The following MGA variants were observed in gnomAD, a reference collection of about 807,000 sequenced individuals.
The protein encoded by MGA is MAX dimerization protein MGA.
MGA carries 40 observed loss-of-function variants against 261.1 expected under a neutral mutation model. The observed-to-expected ratio is 0.15, with a 90% CI of 0.12 to 0.20. MGA has a LOEUF of 0.20. Among genes scored for constraint, MGA ranks in the 10% least tolerant of loss-of-function variants. The pLI, the probability that MGA is intolerant of heterozygous loss-of-function variation, is 1.00. For synonymous variants in MGA, 1,302 were observed against 1,290.6 expected, an observed-to-expected ratio of 1.01 and a Z score of -0.19; for missense variants, 3,397 against 3,630.5, an observed-to-expected ratio of 0.94 and a Z score of 1.65.
At chr15:41,651,705 C>CT (rs367632948) in intron 1 of MGA, among the ~76,000 whole-genome samples, 2 of 50,662 alleles carry the variant, frequency 3.9e-5, no homozygotes, top group Admixed American at 2.0e-4. Flanking sequence ...ACCCCTTCCC[C>CT]TCTCTTACCC....
chr15:41,750,229 T>C lies in MGA; in HGVS notation c.6622T>C (p.Cys2208Arg). 6.2e-7 allele frequency: 1 copy of C among 1,613,866 alleles called. No homozygotes were observed. Among genetic ancestry groups the C allele is most frequent in the South Asian group, 1.1e-5 (1 of 91,082 alleles). Residue 2208 changes from cysteine to arginine, a missense_variant, in exon 17 of 24, where the codon TGT becomes CGT. Physicochemically the swap from Cys to Arg is radical, Grantham distance 180 (BLOSUM62 -3). Around this residue, in one of 9 missense-constraint regions of MGA, gnomAD observed 1,410 missense variants for 1,386.4 expected, o/e 1.02. Transcript: ENST00000219905. Reference sequence around the variant, plus strand: ...GCAGTTAATTAAAGAAACAAAGACATGTCAGGAAAATTCAGATGTGTTTCA... The same window carrying C: ...GCAGTTAATTAAAGAAACAAAGACACGTCAGGAAAATTCAGATGTGTTTCA...
chr15:41,676,336 C>T (rs889697449), intron 2 of MGA, among the ~76,000 whole-genome samples: 1 of 152,210 alleles, frequency 6.6e-6, no homozygotes, highest in Non-Finnish European at 1.5e-5. Flanking sequence ...GCACCCGCCA[C>T]CAAACCTGGC....
intron 12 of MGA, 66 bp from the exon 13 acceptor site, chr15:41,736,115 A>C (rs906776859): frequency 7.6e-6 from 10 of 1,316,292 alleles, no homozygotes; most frequent in Non-Finnish European, 1.0e-5. Context: ...TCAGAGTTTC[A>C]TACAAAATGC....
chr15:41,657,295 C>T (rs1360327986), upstream of MGA, among the ~76,000 whole-genome samples: 1 of 149,264 alleles, frequency 6.7e-6, no homozygotes, highest in Non-Finnish European at 1.5e-5. Flanking sequence ...TCTCTTTTTA[C>T]CCTCTGCCTA....
chr15:41,650,043 T>C (rs1345491621), intron 1 of MGA, among the ~76,000 whole-genome samples: 1 of 152,242 alleles, frequency 6.6e-6, no homozygotes, highest in African/African-American at 2.4e-5. Flanking sequence ...AGAATTATTC[T>C]ATGATCCCTC....
At position 41,696,466 on chromosome 15, in the gene MGA, C is replaced by A. The variant is rs573295673; in HGVS notation, c.1456C>A (p.Leu486Ile). 1 of 1,614,002 alleles carries A rather than the reference C, an allele frequency of 6.2e-7. No homozygotes were observed. Among genetic ancestry groups the A allele is most frequent in the East Asian group, 2.2e-5 (1 of 44,888 alleles). ...CAGAAGCACAGTTAAGATTTCTGAA[C>A]TCCCCGATAACATGCTTTCCACATC... The change falls in exon 3 of 24, where the codon CTC becomes ATC. Residue 486 changes from leucine (L) to isoleucine (I), a missense_variant. This residue lies in a region of MGA where 563 missense variants were observed against 563.6 expected (regional missense o/e 1.00). Coordinates refer to ENST00000219905, the MANE Select transcript of MGA (RefSeq NM_001164273.2).
intron 9 of MGA, chr15:41,718,668 G>T: frequency 3.7e-6 from 1 of 270,072 alleles, no homozygotes; most frequent in Non-Finnish European, 7.1e-6. Context: ...TTTCTGGTGT[G>T]TTCAAGCTCC....
chr15:41,699,872 C>T (rs2059743899), intron 5 of MGA, among the ~76,000 whole-genome samples: 1 of 151,916 alleles, frequency 6.6e-6, no homozygotes, highest in East Asian at 1.9e-4. Context: ...TGGCTGCAAA[C>T]ATCTATTTTA....
rs1053558722 is a variant in MGA, at chr15:41,689,567, T to C, written c.1065-6508T>C. Among the ~76,000 whole-genome samples the C allele has an allele frequency of 3.3e-4, 49 of 147,346 alleles. 1 individual carries two copies. Among genetic ancestry groups the C allele is most frequent in the Admixed American group, 6.0e-4 (9 of 15,066 alleles). The stretch of plus-strand genomic sequence containing the variant: ...TTTTGGTTCATTTTCTTTTTCTTTT[T>C]TTTTTTTCTTTTTTTTGAGATAGAG... On this transcript the variant is annotated intron_variant, in intron 2 of 23. Coordinates refer to ENST00000219905, the MANE Select transcript of MGA (RefSeq NM_001164273.2).
intron 8 of MGA, among the ~76,000 whole-genome samples, chr15:41,712,101 CTTAT>C (rs1253009766): frequency 1.3e-5 from 2 of 151,986 alleles, no homozygotes; most frequent in Non-Finnish European, 1.5e-5. Flanking sequence ...TAATTTTTCA[CTTAT>C]TTATTTTTAT....
At chr15:41,634,574 T>C (rs2056660532) in intron 1 of MGA, among the ~76,000 whole-genome samples, 1 of 152,234 alleles carries the variant, frequency 6.6e-6, no homozygotes, top group South Asian at 2.1e-4. Context: ...TCATGTTGTT[T>C]CCTCAGGAGA....
intron 2 of MGA, among the ~76,000 whole-genome samples, chr15:41,672,763 A>G (rs2058132047): frequency 6.6e-6 from 1 of 152,226 alleles, no homozygotes; most frequent in South Asian, 2.1e-4. Flanking sequence ...GACAGAGACC[A>G]TAGATGCTTG....
chr15:41,754,641 G>A lies in MGA; in HGVS notation c.7139+74G>A. 3 of 1,427,376 alleles carry A rather than the reference G, an allele frequency of 2.1e-6. No homozygotes were observed. In the South Asian group the frequency reaches 4.7e-5, roughly 22 times the overall value. The allele number at this position is 1,427,376 out of a possible 1,614,324, so 88.4% of individuals were successfully genotyped here. On this transcript the variant is annotated intron_variant, in intron 18 of 23. Transcript: ENST00000219905. Reference sequence around the variant, plus strand: ...GAAACAAAATGAGATGTTCTGTTCAGGAGCTCTGGGTAACTCATCTGGTTC... The same window carrying A: ...GAAACAAAATGAGATGTTCTGTTCAAGAGCTCTGGGTAACTCATCTGGTTC...
chr15:41,676,908 A>G (rs1359026766), intron 2 of MGA, among the ~76,000 whole-genome samples: 1 of 152,270 alleles, frequency 6.6e-6, no homozygotes, highest in Non-Finnish European at 1.5e-5. Flanking sequence ...ACTGCATAAC[A>G]TCTACCTGGT....
Position 41,711,347 on chromosome 15 carries a change from C to A in MGA, c.3082C>A (p.Gln1028Lys). 1 of 1,588,970 alleles carries A rather than the reference C, an allele frequency of 6.3e-7. No homozygotes were observed. The highest frequency in any genetic ancestry group is 8.6e-7 in the Non-Finnish European group (1 of 1,168,376). Residue 1028 changes from glutamine to lysine, a missense_variant and splice_region_variant, in exon 8 of 24, where the codon CAA becomes AAA. Physicochemically the swap from Gln to Lys is moderately conservative, Grantham distance 53. Transcript: ENST00000219905. ...ATCCTTAACAACTCTACTTACAGCT[C>A]AAGTAAGTAGCTGCTGTTTTCTGGA...
intron 17 of MGA, among the ~76,000 whole-genome samples, chr15:41,754,199 G>T (rs1275700746): frequency 6.6e-6 from 1 of 152,190 alleles, no homozygotes; most frequent in Non-Finnish European, 1.5e-5. Context: ...GATTATAGGT[G>T]TGAGCCACCA....
At chr15:41,690,246 C>T (rs796353409) in intron 2 of MGA, among the ~76,000 whole-genome samples, 6 of 152,310 alleles carry the variant, frequency 3.9e-5, no homozygotes, top group African/African-American at 1.4e-4. Flanking sequence ...TTTTAAGGTT[C>T]ATCCATGTGT....
rs756676774 is a variant in MGA at position 41,749,631 on chromosome 15, A to G, written c.6024A>G (p.Ile2008Met). 13 of 1,613,860 alleles carry G rather than the reference A, an allele frequency of 8.1e-6. No homozygotes were observed. In the East Asian group the frequency reaches 2.7e-4, roughly 33 times the overall value. ...CTGTAGACCCTGAGGCTAATGTAAT[A>G]AAACAAAACTCAGGAGCTGCTACCT... Residue 2008 changes from isoleucine to methionine, a missense_variant, in exon 17 of 24, where the codon ATA (isoleucine) becomes ATG (methionine). By Grantham distance (10) the Ile-to-Met change is conservative (BLOSUM62 1). Around this residue, in one of 9 missense-constraint regions of MGA, gnomAD observed 1,410 missense variants for 1,386.4 expected, o/e 1.02. Coordinates refer to ENST00000219905, the MANE Select transcript of MGA (RefSeq NM_001164273.2).
chr15:41,661,883 G>A (rs2057425090), intron 1 of MGA, among the ~76,000 whole-genome samples: 1 of 152,152 alleles, frequency 6.6e-6, no homozygotes, highest in African/African-American at 2.4e-5. Context: ...ACGCGGCTGG[G>A]TCCCGCAGAG....
Sources: allele counts gnomAD v4.1 joint callset (sites outside exome capture counted in the v4.1 genomes callset), GRCh38; gene constraint gnomAD v4.1.1; regional missense constraint gnomAD v4.1.1; transcripts MANE v1.5; gene names NCBI Gene and HGNC (gene_info 2026-07-23, HGNC 2026-07-21).